Variants in ARHGAP10 observed in about 807,000 individuals in gnomAD.
ARHGAP10 encodes rho GTPase-activating protein 10.
A neutral mutation model predicts 108.6 loss-of-function variants in ARHGAP10; 87 were observed. The ratio of observed to expected loss-of-function variants is 0.80; its 90% CI spans 0.67 to 0.96. ARHGAP10 has a LOEUF of 0.96. Among genes scored for constraint, ARHGAP10 ranks in the 40% least tolerant of loss-of-function variants. ARHGAP10 has a pLI of 0.00. For missense variants in ARHGAP10, 939 were observed against 954.5 expected (o/e 0.98, Z 0.21); for synonymous variants, 347 against 341.1 (o/e 1.02, Z -0.19).
chr4:147,837,093 A>G (rs1210159103), intron 3 of ARHGAP10, among the ~76,000 whole-genome samples: 1 of 152,156 alleles, frequency 6.6e-6, no homozygotes, highest in Non-Finnish European at 1.5e-5. Flanking sequence ...TATGTCAGGT[A>G]TTAAAGTGGG....
chr4:147,800,618 G>A (rs958168133), intron 1 of ARHGAP10, among the ~76,000 whole-genome samples: 12 of 152,080 alleles, frequency 7.9e-5, no homozygotes, highest in Admixed American at 7.2e-4. Flanking sequence ...TTTGCATAGG[G>A]GGATGCAAGA....
intron 1 of ARHGAP10, among the ~76,000 whole-genome samples, chr4:147,737,266 T>G (rs1728456055): frequency 1.3e-5 from 2 of 152,124 alleles, no homozygotes; most frequent in South Asian, 2.1e-4. Flanking sequence ...TTCTTGTGCC[T>G]TAGCCTCCCA....
At position 147,824,879 on chromosome 4, in the gene ARHGAP10, CCTA is replaced by C. The variant is rs1732642396; in HGVS notation, c.312+1923_312+1925del. On this transcript the variant is annotated intron_variant, in intron 3 of 22. Coordinates refer to ENST00000336498, the MANE Select transcript of ARHGAP10 (RefSeq NM_024605.4). ...GCCAGGAGCTGTTCTAAGCTGTTTA[CCTA>C]ATGCTAAGTCACTGAATTCTCACAT... 6.6e-5 allele frequency among the ~76,000 whole-genome samples: 10 copies of C among 152,270 alleles called. No individual in the cohort carries two copies. The South Asian group carries it at 2.1e-3, about 32-fold the overall frequency.
chr4:147,822,944 A>G lies in ARHGAP10; in HGVS notation c.299A>G (p.Gln100Arg), dbSNP rs889906008. ...FSNFLKNLEE[Q>R]REIMALSVTE... The stretch of plus-strand genomic sequence containing the variant: ...AATTTTTTGAAGAATCTGGAGGAAC[A>G]GAGAGAAATTATGGTGAGTTGAGAG... Residue 100 changes from glutamine (Q) to arginine (R), a missense_variant, in exon 3 of 23, where the codon CAG (glutamine) becomes CGG (arginine). Gln to Arg is a conservative substitution (Grantham distance 43, BLOSUM62 1). Transcript: ENST00000336498. 2 of 1,613,560 alleles carry G rather than the reference A, an allele frequency of 1.2e-6. No homozygotes were observed. The highest frequency in any genetic ancestry group is 3.3e-5 in the Admixed American group (2 of 60,018).
intron 3 of ARHGAP10, among the ~76,000 whole-genome samples, chr4:147,844,695 C>G (rs1447794155): frequency 6.6e-6 from 1 of 152,190 alleles, no homozygotes; most frequent in Non-Finnish European, 1.5e-5. Flanking sequence ...GTCAATCTCT[C>G]ATTACTTTGA....
intron 10 of ARHGAP10, among the ~76,000 whole-genome samples, chr4:147,884,026 G>T (rs191659035): frequency 7.2e-5 from 11 of 152,258 alleles, no homozygotes; most frequent in African/African-American, 2.6e-4. Flanking sequence ...TGTGCCATAA[G>T]TCTCTGCAGA....
chr4:148,021,306 G>C (rs563317469), intron 18 of ARHGAP10, among the ~76,000 whole-genome samples: 1 of 152,266 alleles, frequency 6.6e-6, no homozygotes, highest in African/African-American at 2.4e-5. Context: ...CAAACTGGAG[G>C]AAAGAGGTGG....
Position 148,064,524 on chromosome 4 carries a change from G to A in ARHGAP10, c.2272+17G>A, listed in dbSNP as rs1729775382. ...TTGAGGATGGTAAGTGTTAGTGGGA[G>A]CTTCGTCTGTTAATCCTGTCCGCAG... On this transcript the variant is annotated intron_variant, in intron 22 of 22. Transcript: ENST00000336498. 2 of 1,605,558 alleles carry A rather than the reference G, an allele frequency of 1.2e-6. No individual in the cohort carries two copies. Among genetic ancestry groups the A allele is most frequent in the Non-Finnish European group, 1.7e-6 (2 of 1,172,394 alleles).
At chr4:147,927,063 CTG>C (rs1159076633) in intron 13 of ARHGAP10, among the ~76,000 whole-genome samples, 5 of 152,182 alleles carry the variant, frequency 3.3e-5, no homozygotes, top group South Asian at 2.1e-4. Context: ...GCTTCCAAGA[CTG>C]TGTTTTAAAT....
intron 16 of ARHGAP10, among the ~76,000 whole-genome samples, chr4:147,962,568 T>A (rs1739041150): frequency 6.6e-6 from 1 of 152,218 alleles, no homozygotes; most frequent in Admixed American, 6.5e-5. Context: ...CATACAATCT[T>A]TTGACTTTAT....
At chr4:147,871,843 A>G (rs938002905) in intron 7 of ARHGAP10, among the ~76,000 whole-genome samples, 1 of 152,134 alleles carries the variant, frequency 6.6e-6, no homozygotes, top group Admixed American at 6.5e-5. Context: ...GCTCACGCCT[A>G]TAATCCCAGC....
chr4:147,898,948 A>C (rs1736108984), intron 10 of ARHGAP10, among the ~76,000 whole-genome samples: 1 of 152,114 alleles, frequency 6.6e-6, no homozygotes, highest in Non-Finnish European at 1.5e-5. Flanking sequence ...ATCACCTTAT[A>C]CCTTACACCA....
chr4:147,849,273 C>T (rs1192493325), intron 4 of ARHGAP10, among the ~76,000 whole-genome samples: 1 of 151,246 alleles, frequency 6.6e-6, no homozygotes, highest in Non-Finnish European at 1.5e-5. Context: ...CCAGCCCCTA[C>T]CCTGCCTTAA....
chr4:148,041,041 A>G (rs770074055), intron 19 of ARHGAP10, among the ~76,000 whole-genome samples: 1 of 152,232 alleles, frequency 6.6e-6, no homozygotes, highest in Non-Finnish European at 1.5e-5. Flanking sequence ...ATACCAAAGT[A>G]GGTTTCAGCG....
chr4:147,911,748 G>C (rs1333092980), intron 12 of ARHGAP10, among the ~76,000 whole-genome samples: 1 of 152,096 alleles, frequency 6.6e-6, no homozygotes, highest in Non-Finnish European at 1.5e-5. Flanking sequence ...ATCTATATTA[G>C]AAAAAGTATA....
At chr4:147,903,669 G>T (rs1449531127) in intron 10 of ARHGAP10, among the ~76,000 whole-genome samples, 1 of 152,118 alleles carries the variant, frequency 6.6e-6, no homozygotes, top group Admixed American at 6.5e-5. Flanking sequence ...TCTGTAGTTT[G>T]ACCTTTTCCA....
At chr4:147,967,984 G>A (rs1739268522) in intron 18 of ARHGAP10, among the ~76,000 whole-genome samples, 2 of 152,202 alleles carry the variant, frequency 1.3e-5, no homozygotes, top group South Asian at 2.1e-4. Flanking sequence ...TCTGGAACAC[G>A]AAAAGAAGGT....
At chr4:147,733,061 C>A (rs958886325) in intron 1 of ARHGAP10, among the ~76,000 whole-genome samples, 2 of 152,134 alleles carry the variant, frequency 1.3e-5, no homozygotes, top group African/African-American at 4.8e-5. Context: ...CCTCCCCTGC[C>A]GTGCTGAGGA....
At chr4:147,871,010 A>G (rs1734799657) in intron 7 of ARHGAP10, among the ~76,000 whole-genome samples, 1 of 149,758 alleles carries the variant, frequency 6.7e-6, no homozygotes, top group Admixed American at 6.7e-5. Context: ...CCCAGGCTGG[A>G]GTGCTGTGGC....
Sources: allele counts gnomAD v4.1 joint callset (sites outside exome capture counted in the v4.1 genomes callset), GRCh38; gene constraint gnomAD v4.1.1; transcripts MANE v1.5; gene names NCBI Gene and HGNC (gene_info 2026-07-23, HGNC 2026-07-21).